Variants in SLC24A3 observed in about 807,000 individuals in gnomAD.
SLC24A3 encodes the protein sodium/potassium/calcium exchanger 3.
SLC24A3 carries 28 observed loss-of-function variants against 75.8 expected under a neutral mutation model. That is an observed-to-expected ratio of 0.37 (90% CI 0.27 to 0.51). SLC24A3 has a LOEUF of 0.51. Ranked by LOEUF, SLC24A3 falls within the 20% of genes least tolerant of loss-of-function variation. The pLI is 0.94. For missense variants in SLC24A3, 663 were observed against 847.8 expected, an observed-to-expected ratio of 0.78 and a Z score of 2.71; for synonymous variants, 372 against 334.1, an observed-to-expected ratio of 1.11 and a Z score of -1.24.
At chr20:19,561,443 G>C (rs1430397305) in intron 3 of SLC24A3, among the ~76,000 whole-genome samples, 1 of 152,112 alleles carries the variant, frequency 6.6e-6, no homozygotes, top group Non-Finnish European at 1.5e-5. Context: ...AAAGCTCTTA[G>C]GAGTCAAAGG....
chr20:19,311,449 TC>T (rs1286162870), intron 2 of SLC24A3, among the ~76,000 whole-genome samples: 3 of 152,096 alleles, frequency 2.0e-5, no homozygotes, highest in Non-Finnish European at 4.4e-5. Context: ...AGAGATACAG[TC>T]CCAGCCCTCA....
At chr20:19,343,325 C>T (rs1985317625) in intron 2 of SLC24A3, among the ~76,000 whole-genome samples, 1 of 151,964 alleles carries the variant, frequency 6.6e-6, no homozygotes, top group African/African-American at 2.4e-5. Context: ...AATTGTGTGA[C>T]CTTGGGCAAG....
intron 1 of SLC24A3, among the ~76,000 whole-genome samples, chr20:19,259,503 A>T (rs368194764): frequency 1.3e-5 from 2 of 152,300 alleles, no homozygotes; most frequent in African/African-American, 4.8e-5. Context: ...AGTGGCAGCG[A>T]CACCTGAAGA....
At chr20:19,629,388 G>A (rs2031907507) in intron 6 of SLC24A3, among the ~76,000 whole-genome samples, 1 of 152,042 alleles carries the variant, frequency 6.6e-6, no homozygotes, top group African/African-American at 2.4e-5. Flanking sequence ...ATGAAGAAAA[G>A]CAAAGAGCTA....
intron 9 of SLC24A3, among the ~76,000 whole-genome samples, 200 bp from the exon 10 acceptor site, chr20:19,681,658 C>T (rs1028273609): frequency 6.6e-6 from 1 of 152,172 alleles, no homozygotes; most frequent in East Asian, 1.9e-4. Context: ...TTTTCACTTA[C>T]CATTTGTTCA....
At chr20:19,427,456 T>C (rs4814852) in intron 2 of SLC24A3, among the ~76,000 whole-genome samples, 57,612 of 152,150 alleles carry the variant, frequency 0.38, 11,125 homozygotes, top group Middle Eastern at 0.49. Context: ...TGTAAAAATG[T>C]AAATACTGTT....
chr20:19,426,430 A>G (rs1255585852), intron 2 of SLC24A3, among the ~76,000 whole-genome samples: 1 of 152,196 alleles, frequency 6.6e-6, no homozygotes, highest in African/African-American at 2.4e-5. Flanking sequence ...TCAATTGTTT[A>G]TATACAACTT....
chr20:19,684,206 T>C lies in SLC24A3; in HGVS notation c.932T>C (p.Met311Thr), dbSNP rs775158778. ...TTCCACCGCAAAGCATCAGTGATCA[T>C]GGTAGACGAGCTGCTGTCAGCCTAC... ...ANFHRKASVI[M>T]VDELLSAYPH... The change falls in exon 11 of 17, where the codon ATG becomes ACG. Residue 311 changes from methionine to threonine, a missense_variant. Physicochemically the swap from Met to Thr is moderately conservative, Grantham distance 81. This residue lies in a region of SLC24A3 where 510 missense variants were observed against 703.6 expected (regional missense o/e 0.72). Coordinates refer to ENST00000328041, the MANE Select transcript of SLC24A3 (RefSeq NM_020689.4). 2.5e-6 allele frequency: 4 copies of C among 1,614,198 alleles called. No homozygotes were observed. The highest frequency in any genetic ancestry group is 2.5e-6 in the Non-Finnish European group (3 of 1,180,042).
chr20:19,437,712 A>AGG (rs1987230188), intron 2 of SLC24A3, among the ~76,000 whole-genome samples: 1 of 152,138 alleles, frequency 6.6e-6, no homozygotes, highest in Non-Finnish European at 1.5e-5. Context: ...AGTTCTCTAT[A>AGG]GCAAACCCAC....
intron 1 of SLC24A3, among the ~76,000 whole-genome samples, chr20:19,274,244 G>T (rs1240662294): frequency 1.3e-5 from 2 of 151,616 alleles, no homozygotes; most frequent in Non-Finnish European, 2.9e-5. Flanking sequence ...GCCCAAGGGG[G>T]TGTTCTCAGC....
intron 2 of SLC24A3, among the ~76,000 whole-genome samples, chr20:19,491,134 C>A (rs777558550): frequency 8.2e-4 from 125 of 152,314 alleles, no homozygotes; most frequent in Non-Finnish European, 1.6e-3. Flanking sequence ...GGGGTCCTCA[C>A]TGCCATCCTT....
intron 2 of SLC24A3, among the ~76,000 whole-genome samples, chr20:19,283,864 A>G (rs184287034): frequency 6.6e-6 from 1 of 152,190 alleles, no homozygotes; most frequent in African/African-American, 2.4e-5. Context: ...GTCCTGGGGC[A>G]TCATTACGGG....
chr20:19,679,565 G>GGGAGAC (rs1265106821), intron 9 of SLC24A3, among the ~76,000 whole-genome samples: 2 of 145,390 alleles, frequency 1.4e-5, no homozygotes, highest in East Asian at 2.0e-4. Context: ...GAGAGGGAGA[G>GGGAGAC]GGAGACGGAG....
At chr20:19,655,549 G>A (rs1373076769) in intron 7 of SLC24A3, among the ~76,000 whole-genome samples, 1 of 152,148 alleles carries the variant, frequency 6.6e-6, no homozygotes, top group East Asian at 1.9e-4. Flanking sequence ...AGTATTTCTG[G>A]CTGTCTGTGA....
intron 2 of SLC24A3, among the ~76,000 whole-genome samples, chr20:19,481,493 T>G (rs1988053066): frequency 1.3e-5 from 2 of 152,158 alleles, no homozygotes; most frequent in South Asian, 4.1e-4. Context: ...TTCCATCCCA[T>G]GAATAGGAGA....
intron 3 of SLC24A3, among the ~76,000 whole-genome samples, chr20:19,574,833 T>C (rs1426165841): frequency 6.6e-6 from 1 of 152,170 alleles, no homozygotes; most frequent in Admixed American, 6.5e-5. Flanking sequence ...AGCTTGGAAG[T>C]GTCAAGTCTA....
intron 1 of SLC24A3, among the ~76,000 whole-genome samples, chr20:19,268,068 A>G (rs1480199863): frequency 1.3e-5 from 2 of 152,204 alleles, no homozygotes; most frequent in Non-Finnish European, 2.9e-5. Flanking sequence ...ATATTTTAAT[A>G]TTTCAAATAA....
intron 3 of SLC24A3, among the ~76,000 whole-genome samples, chr20:19,523,073 G>A (rs1007994367): frequency 3.9e-5 from 6 of 152,082 alleles, no homozygotes; most frequent in Admixed American, 6.5e-5. Context: ...TAAAACTGAC[G>A]AACAAATTCA....
At chr20:19,213,109 G>C in intron 1 of SLC24A3, 125 bp downstream of exon 1, 1 of 1,055,654 alleles carries the variant, frequency 9.5e-7, no homozygotes, top group Non-Finnish European at 1.2e-6. Flanking sequence ...CTGGGTTGGC[G>C]GGGGGAGTGG....
Sources: gnomAD v4.1 joint callset for allele counts (sites outside exome capture counted in the v4.1 genomes callset) on GRCh38, gnomAD v4.1.1 for gene constraint, gnomAD v4.1.1 regional missense constraint, MANE v1.5 for transcripts, NCBI Gene and HGNC (gene_info 2026-07-23, HGNC 2026-07-21) for gene names.